Variants in SNX9 observed in about 807,000 individuals in gnomAD.
The protein encoded by SNX9 is sorting nexin-9.
A neutral mutation model predicts 89.4 loss-of-function variants in SNX9; 44 were observed. The ratio of observed to expected loss-of-function variants is 0.49; its 90% CI spans 0.39 to 0.63. SNX9 has a LOEUF of 0.63. Among genes scored for constraint, SNX9 ranks in the 30% least tolerant of loss-of-function variants. SNX9 has a pLI of 0.00. For missense variants in SNX9, 578 were observed against 736.1 expected, an observed-to-expected ratio of 0.79 and a Z score of 2.49; for synonymous variants, 236 against 247.8, an observed-to-expected ratio of 0.95 and a Z score of 0.45.
chr6:157,880,585 A>C (rs1232627462), intron 4 of SNX9, among the ~76,000 whole-genome samples: 2 of 152,170 alleles, frequency 1.3e-5, no homozygotes, highest in African/African-American at 2.4e-5. Flanking sequence ...GTTTCTCTGA[A>C]ATGTTACTTC....
chr6:157,896,249 A>G (rs1782974664), intron 4 of SNX9, among the ~76,000 whole-genome samples: 1 of 152,240 alleles, frequency 6.6e-6, no homozygotes, highest in Admixed American at 6.5e-5. Context: ...CTCAAATTGC[A>G]TATACTTTTA....
intron 1 of SNX9, among the ~76,000 whole-genome samples, chr6:157,836,556 G>A (rs1389872245): frequency 6.6e-6 from 1 of 151,888 alleles, no homozygotes; most frequent in East Asian, 1.9e-4. Flanking sequence ...TCTGATTCAG[G>A]AGGTCTGGGG....
At position 157,827,538 on chromosome 6, in the gene SNX9, C is replaced by CTTATAGTTTATATA. The variant is rs1562586524; in HGVS notation, c.12+4092_12+4093insTTATAGTTTATATA. Among the ~76,000 whole-genome samples, 10 of 30,770 alleles carry CTTATAGTTTATATA rather than the reference C, an allele frequency of 3.2e-4. 2 individuals are homozygous for CTTATAGTTTATATA. The highest frequency in any genetic ancestry group is 1.7e-3 in the East Asian group (3 of 1,770). 20.2% of individuals were successfully genotyped at this position (30,770 alleles called of 152,430 possible). ...ACATATAGTTTATATAATATATAAA[C>CTTATAGTTTATATA]ATATATTATATTATAGTTTATATAA... On this transcript the variant is annotated intron_variant, in intron 1 of 17. Coordinates refer to ENST00000392185, the MANE Select transcript of SNX9 (RefSeq NM_016224.5).
intron 1 of SNX9, among the ~76,000 whole-genome samples, chr6:157,864,920 C>T (rs537460436): frequency 1.7e-4 from 26 of 152,152 alleles, no homozygotes; most frequent in African/African-American, 2.6e-4. Flanking sequence ...CCCAGCTACT[C>T]GGGAGGCTGA....
intron 1 of SNX9, among the ~76,000 whole-genome samples, chr6:157,840,141 TCAGGC>T: frequency 7.8e-6 from 1 of 128,116 alleles, no homozygotes; most frequent in African/African-American, 3.3e-5. Flanking sequence ...GAGCAGACCC[TCAGGC>T]TGGTGCTTGG....
chr6:157,915,472 A>G (rs1016830230), intron 9 of SNX9, among the ~76,000 whole-genome samples: 8 of 151,490 alleles, frequency 5.3e-5, no homozygotes, highest in African/African-American at 1.9e-4. Flanking sequence ...GATTCTGCAT[A>G]TATTTTGTTA....
chr6:157,918,557 A>G (rs926110688), intron 9 of SNX9, among the ~76,000 whole-genome samples: 2 of 152,086 alleles, frequency 1.3e-5, no homozygotes, highest in Admixed American at 6.5e-5. Context: ...AAGTCTGACA[A>G]TCTCTGCTTT....
chr6:157,919,209 C>T (rs1783533549), intron 9 of SNX9, among the ~76,000 whole-genome samples: 2 of 152,170 alleles, frequency 1.3e-5, no homozygotes, highest in Non-Finnish European at 2.9e-5. Flanking sequence ...ATAGTCGTAC[C>T]GATCTGGCTC....
chr6:157,859,063 A>T (rs1411074001), intron 1 of SNX9, among the ~76,000 whole-genome samples: 3 of 152,228 alleles, frequency 2.0e-5, no homozygotes, highest in Non-Finnish European at 2.9e-5. Context: ...CACATTTCTT[A>T]AGTTTATTCC....
At chr6:157,923,243 G>T (rs1463982877) in intron 10 of SNX9, among the ~76,000 whole-genome samples, 1 of 152,144 alleles carries the variant, frequency 6.6e-6, no homozygotes. Context: ...TTCCTCACTT[G>T]CTAAATGACA....
chr6:157,942,761 C>G, intron 17 of SNX9, 30 bp from the exon 18 acceptor site: 4 of 1,612,364 alleles, frequency 2.5e-6, no homozygotes, highest in Non-Finnish European at 3.4e-6. Context: ...AGTGATATCT[C>G]AACGTTGTTT....
chr6:157,832,945 A>C (rs117173190), intron 1 of SNX9, among the ~76,000 whole-genome samples: 1 of 152,168 alleles, frequency 6.6e-6, no homozygotes, highest in Non-Finnish European at 1.5e-5. Context: ...GTACAGCTCC[A>C]CAGTCTGCAA....
chr6:157,914,469 CTTTTTTTT>C (rs34419515), intron 9 of SNX9, among the ~76,000 whole-genome samples: 2 of 75,114 alleles, frequency 2.7e-5, no homozygotes, highest in South Asian at 1.1e-3. Flanking sequence ...TTTTCTTTTT[CTTTTTTTT>C]TTTTTTTTTT....
chr6:157,914,006 AAG>A (rs200427973), intron 9 of SNX9, among the ~76,000 whole-genome samples: 2,690 of 152,302 alleles, frequency 0.018, 284 homozygotes, highest in Admixed American at 0.16. Context: ...TTGGGTAAAT[AAG>A]AGTAAAATGA....
At chr6:157,915,231 A>G (rs78865169) in intron 9 of SNX9, among the ~76,000 whole-genome samples, 1,830 of 152,170 alleles carry the variant, frequency 0.012, 42 homozygotes, top group African/African-American at 0.042. Context: ...AGTAGCGTGA[A>G]TCCTCCAACT....
In SNX9 at chr6:157,874,946, G is replaced by A. The variant is rs989563835; in HGVS notation, c.175-105G>A. The A allele has an allele frequency of 1.0e-5, 13 of 1,286,418 alleles. No individual in the cohort carries two copies. The African/African-American group carries it at 1.2e-4, about 12-fold the overall frequency. The allele number at this position is 1,286,418 out of a possible 1,614,324, so 79.7% of individuals were successfully genotyped here. On this transcript the variant is annotated intron_variant, in intron 3 of 17. Coordinates refer to ENST00000392185, the MANE Select transcript of SNX9 (RefSeq NM_016224.5). ...AGCAGTGCTTACAGAGAAATTTGTA[G>A]CATTGAAGAATATAAACCCTTTTTG...
At chr6:157,893,680 T>C (rs1479115457) in intron 4 of SNX9, among the ~76,000 whole-genome samples, 1 of 151,940 alleles carries the variant, frequency 6.6e-6, no homozygotes, top group African/African-American at 2.4e-5. Context: ...TGTTATGAAA[T>C]AGATTCAGTA....
At chr6:157,858,061 T>G (rs1782046877) in intron 1 of SNX9, among the ~76,000 whole-genome samples, 1 of 152,004 alleles carries the variant, frequency 6.6e-6, no homozygotes, top group Non-Finnish European at 1.5e-5. Context: ...CCATATGGTC[T>G]CGGATCTGCA....
intron 1 of SNX9, among the ~76,000 whole-genome samples, chr6:157,841,210 T>A (rs968037333): frequency 3.9e-5 from 6 of 152,200 alleles, no homozygotes; most frequent in African/African-American, 1.4e-4. Context: ...TTCCATTAAG[T>A]GATTATTTTT....
Sources: allele counts gnomAD v4.1 joint callset (sites outside exome capture counted in the v4.1 genomes callset), GRCh38; gene constraint gnomAD v4.1.1; transcripts MANE v1.5; gene names NCBI Gene and HGNC (gene_info 2026-07-23, HGNC 2026-07-21).